The following SIK3 variants were observed in gnomAD, a reference collection of about 807,000 sequenced individuals.
SIK3 encodes the protein SIK family kinase 3, also known as serine/threonine-protein kinase SIK3.
In SIK3, 28 loss-of-function variants were observed where a neutral mutation model predicts 144.2. That is an observed-to-expected ratio of 0.19 (90% confidence interval 0.14 to 0.27). The LOEUF is 0.27. SIK3 is among the 10% of genes least tolerant of loss of function. The pLI, the probability that SIK3 is intolerant of heterozygous loss-of-function variation, is 1.00. For synonymous variants in SIK3, 686 were observed against 676.3 expected, an observed-to-expected ratio of 1.01 and a Z score of -0.22; for missense variants, 1,319 against 1,776.0, an observed-to-expected ratio of 0.74 and a Z score of 4.62.
intron 1 of SIK3, among the ~76,000 whole-genome samples, chr11:117,083,835 G>T (rs2134031278): frequency 6.6e-6 from 1 of 152,262 alleles, no homozygotes; most frequent in East Asian, 1.9e-4. Context: ...ACAAGAAAAT[G>T]TCAACTTGTT....
At chr11:117,051,501 CTTA>C (rs1953240276) in intron 1 of SIK3, among the ~76,000 whole-genome samples, 1 of 151,684 alleles carries the variant, frequency 6.6e-6, no homozygotes, top group African/African-American at 2.4e-5. Flanking sequence ...GATATGGAAA[CTTA>C]TTATGAAGGT....
chr11:116,949,079 T>C (rs118162456), intron 3 of SIK3, among the ~76,000 whole-genome samples: 1 of 152,008 alleles, frequency 6.6e-6, no homozygotes, highest in South Asian at 2.1e-4. Flanking sequence ...TACGGCATAC[T>C]AAAACTCATG....
intron 1 of SIK3, among the ~76,000 whole-genome samples, chr11:117,038,479 C>T (rs914995081): frequency 6.6e-6 from 1 of 151,766 alleles, no homozygotes; most frequent in African/African-American, 2.4e-5. Flanking sequence ...GCCTCAGCCT[C>T]CAGAGTAGCT....
rs1946123962 is a variant in SIK3 at position 116,907,777 on chromosome 11, CAA to C, written c.617-10462_617-10461del. ...ACATAATGCTTCAGGAATACTGCGT[CAA>C]GTTTCTTTTAAAAACATGCATAGAA... On this transcript the variant is annotated intron_variant, in intron 4 of 24. Coordinates refer to ENST00000445177, the MANE Select transcript of SIK3 (RefSeq NM_001366686.3). Among the ~76,000 whole-genome samples, 7 of 152,224 alleles carry C rather than the reference CAA, an allele frequency of 4.6e-5. No homozygotes were observed. The East Asian group carries it at 1.2e-3, about 25-fold the overall frequency.
intron 1 of SIK3, among the ~76,000 whole-genome samples, chr11:117,033,470 G>A (rs1471015187): frequency 1.3e-5 from 2 of 152,112 alleles, no homozygotes; most frequent in African/African-American, 4.8e-5. Flanking sequence ...GGGAGGCCAA[G>A]GCAGGTGGAT....
At chr11:116,947,069 G>A (rs113712143) in intron 3 of SIK3, among the ~76,000 whole-genome samples, 6,306 of 122,674 alleles carry the variant, frequency 0.051, 372 homozygotes, top group African/African-American at 0.14. Flanking sequence ...CCGAGATTGC[G>A]CCACTGCACT....
chr11:117,076,645 A>C (rs4938335), intron 1 of SIK3, among the ~76,000 whole-genome samples: 129,099 of 151,982 alleles, frequency 0.85, 55,434 homozygotes, highest in Non-Finnish European at 0.89. Flanking sequence ...TCTGCCTCAG[A>C]CTCCCAAGTA....
intron 1 of SIK3, among the ~76,000 whole-genome samples, chr11:117,030,235 GAC>G (rs1311186587): frequency 6.6e-6 from 1 of 152,146 alleles, no homozygotes; most frequent in Non-Finnish European, 1.5e-5. Context: ...CCCACGTCGT[GAC>G]ACAGTAATTC....
rs1946296319 is a variant in SIK3 at position 116,910,765 on chromosome 11, TA to T, written c.617-13449del. On this transcript the variant is annotated intron_variant, in intron 4 of 24. Transcript: ENST00000445177. ...TAGCAGGCCAAATGCTGGTGAAATA[TA>T]AAGGAAAAAAAATCCAGAAGAATGA... Among the ~76,000 whole-genome samples the T allele has an allele frequency of 2.0e-5, 3 of 151,204 alleles. No individual in the cohort carries two copies. In the South Asian group the frequency reaches 6.2e-4, roughly 31 times the overall value.
At chr11:116,989,829 T>C (rs985912970) in intron 1 of SIK3, among the ~76,000 whole-genome samples, 12 of 152,182 alleles carry the variant, frequency 7.9e-5, no homozygotes, top group Admixed American at 5.9e-4. Flanking sequence ...GTTAAGCAGA[T>C]AGTTTCTGAA....
At chr11:116,874,152 CTTATT>C (rs1944120972) in intron 11 of SIK3, 96 bp from the exon 12 acceptor site, 4 of 1,212,788 alleles carry the variant, frequency 3.3e-6, no homozygotes, top group African/African-American at 3.1e-5. Flanking sequence ...TTCAGTACAA[CTTATT>C]TTATTTTCTT....
chr11:117,055,881 C>T (rs1953493008), intron 1 of SIK3, among the ~76,000 whole-genome samples: 1 of 152,202 alleles, frequency 6.6e-6, no homozygotes, highest in South Asian at 2.1e-4. Context: ...ACACAGCATT[C>T]AAGGCATCGT....
chr11:117,021,928 C>CAAAAAAAAAAAAAAAAAAAAAAAAAA (rs71037444), intron 1 of SIK3, among the ~76,000 whole-genome samples: 9 of 59,004 alleles, frequency 1.5e-4, no homozygotes, highest in East Asian at 1.3e-3. Context: ...TCTGTCTCTA[C>CAAAAAAAAAAAAAAAAAAAAAAAAAA]AAAAAAAAAA....
intron 4 of SIK3, among the ~76,000 whole-genome samples, chr11:116,899,467 A>G (rs1945626847): frequency 6.6e-6 from 1 of 152,208 alleles, no homozygotes; most frequent in South Asian, 2.1e-4. Flanking sequence ...TTTACTTCTT[A>G]TGACAAACAC....
rs757371823 is a variant in SIK3 at position 116,846,516 on chromosome 11, G to A, written c.3990C>T (p.Asp1330=). Residue 1330 remains aspartate, a synonymous_variant, in exon 24 of 25, where the codon GAC becomes GAT. Transcript: ENST00000445177. This position sits in a 1 kb window ranked among gnomAD's most constrained non-coding sequence, Gnocchi z 4.1. ...TTAAATGCTGGCTGCCATCACTCAG[G>A]TCTGGGTGCTCATGACCTCCCAGGC... ...GASLGGHEHP[D]LSDGSQHLNS... is the part of the protein sequence containing the mutation. The A allele has an allele frequency of 8.7e-6, 14 of 1,614,162 alleles. No individual in the cohort carries two copies. The East Asian group carries it at 2.7e-4, about 31-fold the overall frequency.
chr11:117,064,932 G>A (rs1025005419), intron 1 of SIK3, among the ~76,000 whole-genome samples: 7 of 152,016 alleles, frequency 4.6e-5, no homozygotes, highest in Non-Finnish European at 7.4e-5. Flanking sequence ...GGCAGATCAC[G>A]AGGTCAGGAG....
At chr11:117,079,452 T>C (rs1954689303) in intron 1 of SIK3, among the ~76,000 whole-genome samples, 1 of 152,346 alleles carries the variant, frequency 6.6e-6, no homozygotes, top group South Asian at 2.1e-4. Flanking sequence ...AAGGCAAGCA[T>C]TGTGCTAGAC....
intron 6 of SIK3, among the ~76,000 whole-genome samples, chr11:116,881,568 A>C (rs1047136022): frequency 6.6e-6 from 1 of 152,174 alleles, no homozygotes. Context: ...TTGATAATAA[A>C]ACAAATTTCT....
At chr11:116,948,903 T>C (rs369467166) in intron 3 of SIK3, among the ~76,000 whole-genome samples, 6 of 151,786 alleles carry the variant, frequency 4.0e-5, no homozygotes, top group East Asian at 3.9e-4. Flanking sequence ...AAATAGAGGA[T>C]AGAAAAACAA....
Sources: allele counts gnomAD v4.1 joint callset (sites outside exome capture counted in the v4.1 genomes callset), GRCh38; gene constraint gnomAD v4.1.1; non-coding constraint Gnocchi (gnomAD v3.1); transcripts MANE v1.5; gene names NCBI Gene and HGNC (gene_info 2026-07-23, HGNC 2026-07-21).